The following ANXA10 variants were observed in gnomAD, a reference collection of about 807,000 sequenced individuals.
ANXA10 encodes the protein annexin 14.
ANXA10 carries 49 observed loss-of-function variants against 53.5 expected under a neutral mutation model. The ratio of observed to expected loss-of-function variants is 0.92; its 90% CI spans 0.73 to 1.16. The LOEUF is 1.16. Ranked by LOEUF, ANXA10 falls within the 50% of genes most tolerant of loss-of-function variation. The pLI is 0.00. For missense variants in ANXA10, 393 were observed against 394.4 expected (o/e 1.00, Z 0.03); for synonymous variants, 131 against 128.9 (o/e 1.02, Z -0.11).
intron 2 of ANXA10, among the ~76,000 whole-genome samples, chr4:168,134,698 T>C (rs1465504017): frequency 1.3e-5 from 2 of 152,186 alleles, no homozygotes; most frequent in Non-Finnish European, 2.9e-5. Flanking sequence ...ATCATCTTTC[T>C]CTATGCCTTT....
At chr4:168,156,801 C>A (rs964566864) in intron 3 of ANXA10, among the ~76,000 whole-genome samples, 1 of 151,996 alleles carries the variant, frequency 6.6e-6, no homozygotes, top group African/African-American at 2.4e-5. Context: ...CCATGCCCGG[C>A]CCCTATTTCT....
At chr4:168,157,434 A>C (rs114148435) in intron 3 of ANXA10, among the ~76,000 whole-genome samples, 6 of 151,920 alleles carry the variant, frequency 3.9e-5, no homozygotes, top group Non-Finnish European at 8.8e-5. Flanking sequence ...CCCCTGGCTA[A>C]TTGTTATATT....
At chr4:168,146,124 G>A (rs1035981103) in intron 3 of ANXA10, among the ~76,000 whole-genome samples, 6 of 152,116 alleles carry the variant, frequency 3.9e-5, no homozygotes, top group Admixed American at 1.3e-4. Flanking sequence ...GGCCAGGCTG[G>A]TCGTGAACTC....
At chr4:168,151,352 A>G (rs920393816) in intron 3 of ANXA10, among the ~76,000 whole-genome samples, 1 of 152,202 alleles carries the variant, frequency 6.6e-6, no homozygotes, top group Non-Finnish European at 1.5e-5. Context: ...GCCCCTGTTT[A>G]TCCATAATAA....
chr4:168,170,330 T>C (rs537746534), intron 6 of ANXA10, among the ~76,000 whole-genome samples: 39 of 152,206 alleles, frequency 2.6e-4, no homozygotes, highest in Non-Finnish European at 5.3e-4. Flanking sequence ...TATAAATTTC[T>C]AGAATTACAT....
chr4:168,120,732 T>C (rs1467547293), intron 1 of ANXA10, among the ~76,000 whole-genome samples: 10 of 152,118 alleles, frequency 6.6e-5, no homozygotes, highest in Non-Finnish European at 5.9e-5. Flanking sequence ...GTTTATAAGA[T>C]ATAATGACTT....
At position 168,174,148 on chromosome 4, in the gene ANXA10, G is replaced by A. The variant is rs533530535; in HGVS notation, c.481-3592G>A. 7.2e-5 allele frequency among the ~76,000 whole-genome samples: 11 copies of A among 152,142 alleles called. No individual in the cohort carries two copies. The South Asian group carries it at 2.3e-3, about 32-fold the overall frequency. Reference sequence around the variant, plus strand: ...CCTTGGATGTGGGACAAAAACTTGGGACCTGCCAAACAGTGAGTGTGAATA... The same window carrying A: ...CCTTGGATGTGGGACAAAAACTTGGAACCTGCCAAACAGTGAGTGTGAATA... On this transcript the variant is annotated intron_variant, in intron 6 of 11. Coordinates refer to ENST00000359299, the MANE Select transcript of ANXA10 (RefSeq NM_007193.5).
chr4:168,104,308 G>A (rs1306536785), intron 1 of ANXA10, among the ~76,000 whole-genome samples: 1 of 151,764 alleles, frequency 6.6e-6, no homozygotes. Context: ...CTTGTATTAT[G>A]TTGGGCATAT....
rs1212281563 is a variant in ANXA10, at chr4:168,184,591, G to T, written c.816G>T (p.Arg272Ser). 1 of 1,613,844 alleles carries T rather than the reference G, an allele frequency of 6.2e-7. No homozygotes were observed. Among genetic ancestry groups the T allele is most frequent in the East Asian group, 2.2e-5 (1 of 44,882 alleles). ...GTTTCCATAATAAAACTGTAATCAG[G>T]ATTCTCATTGCCAGAAGTGAAATAG... ...DFGFHNKTVI[R>S]ILIARSEIDL... is the part of the protein sequence containing the mutation. Residue 272 changes from arginine to serine, a missense_variant, in exon 11 of 12, where the codon AGG (arginine) becomes AGT (serine). By Grantham distance (110) the Arg-to-Ser change is moderately radical. Transcript: ENST00000359299.
intron 3 of ANXA10, among the ~76,000 whole-genome samples, chr4:168,156,162 T>TAC (rs377015231): frequency 2.0e-5 from 1 of 50,888 alleles, no homozygotes; most frequent in South Asian, 6.1e-4. Context: ...ATATTATATA[T>TAC]TATATATATT....
At chr4:168,093,991 A>G (rs984718874) in intron 1 of ANXA10, among the ~76,000 whole-genome samples, 3 of 152,166 alleles carry the variant, frequency 2.0e-5, no homozygotes, top group Non-Finnish European at 4.4e-5. Context: ...AAAAGGTATC[A>G]AGTAATTAGG....
At chr4:168,178,976 G>A (rs1051256325) in intron 8 of ANXA10, among the ~76,000 whole-genome samples, 1 of 152,152 alleles carries the variant, frequency 6.6e-6, no homozygotes, top group Non-Finnish European at 1.5e-5. Flanking sequence ...GGGTCCCACT[G>A]GAGGTGGCAT....
chr4:168,181,405 A>AAG (rs1732242123), intron 9 of ANXA10, among the ~76,000 whole-genome samples: 1 of 151,854 alleles, frequency 6.6e-6, no homozygotes, highest in East Asian at 1.9e-4. Flanking sequence ...AAAAAAAAAA[A>AAG]AAGAAGATGA....
chr4:168,126,164 A>G (rs892528655), intron 1 of ANXA10, among the ~76,000 whole-genome samples: 16 of 152,188 alleles, frequency 1.1e-4, no homozygotes, highest in African/African-American at 3.9e-4. Context: ...CGAAAGGTAT[A>G]AATTCTGGAA....
chr4:168,106,558 G>A (rs182469934), intron 1 of ANXA10, among the ~76,000 whole-genome samples: 3 of 152,190 alleles, frequency 2.0e-5, no homozygotes, highest in African/African-American at 4.8e-5. Flanking sequence ...AATCTTCATA[G>A]TAACTGAAAC....
intron 1 of ANXA10, among the ~76,000 whole-genome samples, chr4:168,119,406 C>T (rs1035436681): frequency 6.6e-6 from 1 of 152,118 alleles, no homozygotes; most frequent in Non-Finnish European, 1.5e-5. Flanking sequence ...ATTTAGCACA[C>T]CTTCTCATAT....
intron 1 of ANXA10, among the ~76,000 whole-genome samples, chr4:168,095,697 A>G (rs1730530278): frequency 6.6e-6 from 1 of 152,144 alleles, no homozygotes; most frequent in Non-Finnish European, 1.5e-5. Flanking sequence ...CTTCTAGGAC[A>G]GTATTATCAT....
At position 168,184,966 on chromosome 4, in the gene ANXA10, A is replaced by C. The variant is rs954543210; in HGVS notation, c.906+285A>C. Among the ~76,000 whole-genome samples, 12 of 152,244 alleles carry C rather than the reference A, an allele frequency of 7.9e-5. 1 individual carries two copies. In the Middle Eastern group the frequency reaches 0.014, roughly 174 times the overall value. Reference sequence around the variant, plus strand: ...TCAGGAGATCCAGACCAACCTGGCTAACACGGTGAAACCCCGTCTCTACTA... The same window carrying C: ...TCAGGAGATCCAGACCAACCTGGCTCACACGGTGAAACCCCGTCTCTACTA... On this transcript the variant is annotated intron_variant, in intron 11 of 11. Coordinates refer to ENST00000359299, the MANE Select transcript of ANXA10 (RefSeq NM_007193.5).
intron 1 of ANXA10, among the ~76,000 whole-genome samples, chr4:168,119,266 G>A (rs1730947740): frequency 6.6e-6 from 1 of 152,160 alleles, no homozygotes; most frequent in Admixed American, 6.5e-5. Context: ...GAACCTCATA[G>A]AGATAACCTC....
Sources: gnomAD v4.1 joint callset for allele counts (sites outside exome capture counted in the v4.1 genomes callset) on GRCh38, gnomAD v4.1.1 for gene constraint, MANE v1.5 for transcripts, NCBI Gene and HGNC (gene_info 2026-07-23, HGNC 2026-07-21) for gene names.